Variants in TENM4 observed in about 807,000 individuals in gnomAD.
TENM4 encodes teneurin-4.
TENM4 carries 82 observed loss-of-function variants against 243.3 expected under a neutral mutation model. That is an observed-to-expected ratio of 0.34 (90% CI 0.28 to 0.40). TENM4 has a LOEUF of 0.40. TENM4 is among the 10% of genes least tolerant of loss of function. TENM4 has a pLI of 1.00. For synonymous variants in TENM4, 1,412 were observed against 1,456.3 expected (o/e 0.97, Z 0.69); for missense variants, 3,138 against 3,673.3 (o/e 0.85, Z 3.77).
At chr11:79,337,136 C>A (rs572015847) in intron 1 of TENM4, among the ~76,000 whole-genome samples, 1 of 152,342 alleles carries the variant, frequency 6.6e-6, no homozygotes, top group East Asian at 1.9e-4. Context: ...CATCTTGCAT[C>A]CACGTAGCAA....
rs554100692 is a variant in TENM4, at chr11:78,883,679, G to A, written c.1084+6106C>T. Among the ~76,000 whole-genome samples the A allele has an allele frequency of 2.6e-5, 4 of 152,370 alleles. No individual in the cohort carries two copies. In the East Asian group the frequency reaches 5.8e-4, roughly 22 times the overall value. ...CTAATCTGAGGCTCTTCTGCAGCAC[G>A]CAGTGTCTGCGTTTTACATACACAT... On this transcript the variant is annotated intron_variant, in intron 9 of 33. Coordinates refer to ENST00000278550, the MANE Select transcript of TENM4 (RefSeq NM_001098816.3).
At chr11:78,834,318 G>T (rs919730389) in intron 12 of TENM4, among the ~76,000 whole-genome samples, 2 of 151,752 alleles carry the variant, frequency 1.3e-5, no homozygotes, top group Non-Finnish European at 2.9e-5. Flanking sequence ...TTTTCTCTTT[G>T]AAGTTCTCTT....
chr11:79,178,842 A>T (rs1011962984), intron 3 of TENM4, among the ~76,000 whole-genome samples: 24 of 152,218 alleles, frequency 1.6e-4, no homozygotes, highest in Non-Finnish European at 2.9e-4. Flanking sequence ...CCATGAAGCC[A>T]CCAAACTTTT....
chr11:78,876,100 G>A (rs1157268593), intron 9 of TENM4, among the ~76,000 whole-genome samples: 1 of 152,216 alleles, frequency 6.6e-6, no homozygotes, highest in Non-Finnish European at 1.5e-5. Context: ...AGCCATTCCA[G>A]CCGAACAAGT....
At chr11:78,939,942 T>G (rs1210325679) in intron 6 of TENM4, among the ~76,000 whole-genome samples, 1 of 152,046 alleles carries the variant, frequency 6.6e-6, no homozygotes, top group Non-Finnish European at 1.5e-5. Flanking sequence ...TGTAAGAAAT[T>G]AATTTCCTCT....
chr11:79,055,082 G>A (rs1432024186), intron 6 of TENM4, among the ~76,000 whole-genome samples: 2 of 149,232 alleles, frequency 1.3e-5, no homozygotes, highest in Non-Finnish European at 3.0e-5. Flanking sequence ...AGCCAAGATC[G>A]CGCCACTGCA....
rs576082583 is a variant in TENM4, at chr11:78,727,449, G to T, written c.3407-1227C>A. 8.1e-5 allele frequency among the ~76,000 whole-genome samples: 12 copies of T among 148,606 alleles called. No homozygotes were observed. The South Asian group carries it at 2.3e-3, about 29-fold the overall frequency. On this transcript the variant is annotated intron_variant, in intron 22 of 33. Transcript: ENST00000278550. Reference sequence around the variant, plus strand: ...GACTCCGCCTCAAAAAAAAAAAAAAGAAATTATGTATGAAAAAAGAAAACT... The same window carrying T: ...GACTCCGCCTCAAAAAAAAAAAAAATAAATTATGTATGAAAAAAGAAAACT...
chr11:78,658,184 C>A lies in TENM4; in HGVS notation c.8184G>T (p.Val2728=). 6.2e-7 allele frequency: 1 copy of A among 1,614,070 alleles called. No individual in the cohort carries two copies. ...AGCCTTGCACCCGCCCTGTGCTCAGCACCTGCTGCTTCTCCCCCTCTGTCC... is the reference window on the plus strand; with the variant it reads ...AGCCTTGCACCCGCCCTGTGCTCAGAACCTGCTGCTTCTCCCCCTCTGTCC... ...RAWTEGEKQQ[V]LSTGRVQGYD... is the part of the protein sequence containing the mutation. Residue 2728 remains valine, a synonymous_variant, in exon 34 of 34, where the codon GTG becomes GTT. Transcript: ENST00000278550.
intron 6 of TENM4, among the ~76,000 whole-genome samples, chr11:78,977,905 A>G (rs1021847989): frequency 6.6e-6 from 1 of 152,214 alleles, no homozygotes; most frequent in Non-Finnish European, 1.5e-5. Flanking sequence ...ACATGCATAC[A>G]TATGTTTATT....
chr11:78,914,582 C>A (rs150542390), intron 6 of TENM4, among the ~76,000 whole-genome samples: 2 of 152,298 alleles, frequency 1.3e-5, no homozygotes, highest in East Asian at 3.9e-4. Context: ...ACTGCTCTAA[C>A]TAAATGTATA....
intron 16 of TENM4, among the ~76,000 whole-genome samples, chr11:78,783,796 G>T (rs1856883017): frequency 6.6e-6 from 1 of 152,190 alleles, no homozygotes; most frequent in African/African-American, 2.4e-5. Flanking sequence ...TAGCTTCCAT[G>T]AAAGATAAGG....
intron 1 of TENM4, among the ~76,000 whole-genome samples, chr11:79,422,500 T>C (rs1324980002): frequency 1.3e-5 from 2 of 152,060 alleles, no homozygotes; most frequent in East Asian, 1.9e-4. Context: ...CATAATAGGA[T>C]ACCTAAGAAT....
intron 1 of TENM4, among the ~76,000 whole-genome samples, chr11:79,340,241 G>T (rs553416215): frequency 6.6e-6 from 1 of 152,284 alleles, no homozygotes; most frequent in East Asian, 1.9e-4. Context: ...TTCCAATAAA[G>T]GGGCATTGGG....
At chr11:79,176,642 A>C (rs913276660) in intron 3 of TENM4, among the ~76,000 whole-genome samples, 16 of 152,164 alleles carry the variant, frequency 1.1e-4, no homozygotes, top group African/African-American at 3.9e-4. Flanking sequence ...CTCCTTTTCC[A>C]AAGGACTCAG....
Position 79,102,746 on chromosome 11 carries a change from T to C in TENM4, c.-65-32737A>G, listed in dbSNP as rs555860932. Among the ~76,000 whole-genome samples, 18 of 152,374 alleles carry C rather than the reference T, an allele frequency of 1.2e-4. 1 individual carries two copies. The South Asian group carries it at 3.3e-3, about 28-fold the overall frequency. ...TTTCTGTCACAATACACACATTCTG[T>C]ATCTGCACTGTCCATGTGGCCAGCT... On this transcript the variant is annotated intron_variant, in intron 4 of 33. Coordinates refer to ENST00000278550, the MANE Select transcript of TENM4 (RefSeq NM_001098816.3).
intron 4 of TENM4, among the ~76,000 whole-genome samples, chr11:79,103,522 T>A (rs1316413340): frequency 6.6e-6 from 1 of 152,140 alleles, no homozygotes; most frequent in Non-Finnish European, 1.5e-5. Context: ...CCAAGGTCCG[T>A]CCTCTTAGCA....
chr11:79,005,155 G>A (rs1338787213), intron 6 of TENM4, among the ~76,000 whole-genome samples: 1 of 152,036 alleles, frequency 6.6e-6, no homozygotes, highest in African/African-American at 2.4e-5. Flanking sequence ...AGGACCAGAT[G>A]GATTCACAGC....
intron 15 of TENM4, among the ~76,000 whole-genome samples, chr11:78,796,661 A>T (rs1857166972): frequency 6.6e-6 from 1 of 152,268 alleles, no homozygotes; most frequent in African/African-American, 2.4e-5. Flanking sequence ...GCTCCCAAAG[A>T]CAGAAAAAAC....
In TENM4 at chr11:79,351,478, G is replaced by A. The variant is rs549782838; in HGVS notation, c.-320-53935C>T. 1.4e-3 allele frequency among the ~76,000 whole-genome samples: 216 copies of A among 152,204 alleles called. 1 individual carries two copies. The highest frequency in any genetic ancestry group is 1.3e-3 in the Non-Finnish European group (91 of 68,006). ...CCCAGAACTTTGGAAGGCTGAGGCG[G>A]GCAGATCACTTGAGATCAGGAGTTT... On this transcript the variant is annotated intron_variant, in intron 1 of 33. Transcript: ENST00000278550.
Sources: allele counts gnomAD v4.1 joint callset (sites outside exome capture counted in the v4.1 genomes callset), GRCh38; gene constraint gnomAD v4.1.1; transcripts MANE v1.5; gene names NCBI Gene and HGNC (gene_info 2026-07-23, HGNC 2026-07-21).